REC114: variants seen among roughly 807,000 people sequenced by gnomAD.
REC114 encodes the protein meiotic recombination protein REC114.
Under a neutral mutation model 31.3 loss-of-function variants are expected in REC114, and 27 were observed. The ratio of observed to expected loss-of-function variants is 0.86; its 90% confidence interval spans 0.64 to 1.19. The LOEUF (loss-of-function observed/expected upper bound fraction) is 1.19. Ranked by LOEUF, REC114 falls within the 50% of genes most tolerant of loss-of-function variation. The pLI, the probability that REC114 is intolerant of heterozygous loss-of-function variation, is 0.00. For missense variants in REC114, 344 were observed against 326.9 expected (o/e 1.05, Z -0.40); for synonymous variants, 134 against 127.7 (o/e 1.05, Z -0.33).
chr15:73,549,207 T>G (rs1217963637), intron 3 of REC114, among the ~76,000 whole-genome samples: 3 of 152,172 alleles, frequency 2.0e-5, no homozygotes, highest in South Asian at 2.1e-4. Context: ...ATCTTGTTAC[T>G]TACAACAACA....
At chr15:73,465,718 T>C (rs1893047726) in intron 1 of REC114, among the ~76,000 whole-genome samples, 1 of 152,240 alleles carries the variant, frequency 6.6e-6, no homozygotes, top group Admixed American at 6.5e-5. Flanking sequence ...ATGAAAAATA[T>C]TATGCAGCGG....
At chr15:73,458,493 C>A (rs1892947797) in intron 1 of REC114, among the ~76,000 whole-genome samples, 2 of 152,114 alleles carry the variant, frequency 1.3e-5, no homozygotes, top group Non-Finnish European at 2.9e-5. Flanking sequence ...TAACAGGTAA[C>A]ATTTTGTATT....
intron 3 of REC114, among the ~76,000 whole-genome samples, chr15:73,547,741 C>A (rs1894329540): frequency 1.3e-5 from 2 of 152,170 alleles, no homozygotes; most frequent in South Asian, 4.1e-4. Context: ...ATGGGTATAA[C>A]TGGCTAGCCA....
intron 5 of REC114, among the ~76,000 whole-genome samples, chr15:73,558,628 G>A (rs908469356): frequency 5.9e-5 from 9 of 152,270 alleles, no homozygotes; most frequent in African/African-American, 2.2e-4. Context: ...TTATTAGAAT[G>A]CCTAAATTAA....
chr15:73,545,348 TCTGA>T (rs1477144479), intron 3 of REC114, among the ~76,000 whole-genome samples: 5 of 152,200 alleles, frequency 3.3e-5, no homozygotes, highest in Admixed American at 3.3e-4. Context: ...AGAAGCTCTT[TCTGA>T]CTTTTAATTA....
intron 2 of REC114, among the ~76,000 whole-genome samples, chr15:73,487,458 T>C (rs982151186): frequency 2.2e-4 from 33 of 152,226 alleles, no homozygotes; most frequent in African/African-American, 7.7e-4. Context: ...GACATTCCCA[T>C]TTCAAAAGAG....
At chr15:73,532,117 G>A (rs546121139) in intron 2 of REC114, among the ~76,000 whole-genome samples, 265 of 151,086 alleles carry the variant, frequency 1.8e-3, no homozygotes, top group African/African-American at 5.9e-3. Context: ...TATATCTCCC[G>A]ATGCTATCCC....
intron 5 of REC114, among the ~76,000 whole-genome samples, chr15:73,559,100 T>C (rs1332218785): frequency 6.6e-6 from 1 of 152,190 alleles, no homozygotes; most frequent in African/African-American, 2.4e-5. Flanking sequence ...GGCAAAACTA[T>C]ATGGAGAAGA....
intron 2 of REC114, among the ~76,000 whole-genome samples, chr15:73,480,223 A>G (rs1226062913): frequency 6.6e-6 from 1 of 152,034 alleles, no homozygotes; most frequent in Non-Finnish European, 1.5e-5. Flanking sequence ...CCTGTTGGCC[A>G]TTTATGTCAT....
intron 2 of REC114, among the ~76,000 whole-genome samples, chr15:73,513,369 A>T (rs1190086448): frequency 8.0e-5 from 12 of 149,518 alleles, no homozygotes; most frequent in Non-Finnish European, 1.5e-4. Context: ...AAAGTTTTCA[A>T]CTTCTTTGCC....
chr15:73,484,028 G>C (rs750639308), intron 2 of REC114: 3 of 152,216 alleles, frequency 2.0e-5, no homozygotes, highest in East Asian at 3.9e-4. Flanking sequence ...GGTTACACAG[G>C]CCTCTTCAAT....
At chr15:73,489,077 G>T (rs187379597) in intron 2 of REC114, among the ~76,000 whole-genome samples, 80 of 152,214 alleles carry the variant, frequency 5.3e-4, no homozygotes, top group Non-Finnish European at 6.8e-4. Flanking sequence ...TCTGGTGAGT[G>T]CTGCTCTCTG....
chr15:73,466,504 A>G (rs931893204), intron 1 of REC114, among the ~76,000 whole-genome samples: 1 of 152,164 alleles, frequency 6.6e-6, no homozygotes, highest in Non-Finnish European at 1.5e-5. Flanking sequence ...CAGTGAGCCA[A>G]GATGGTGCCA....
chr15:73,489,430 T>C (rs536371716), intron 2 of REC114, among the ~76,000 whole-genome samples: 1 of 151,866 alleles, frequency 6.6e-6, no homozygotes, highest in Non-Finnish European at 1.5e-5. Flanking sequence ...GGTCTTGAAC[T>C]CCTGACCTCA....
intron 2 of REC114, among the ~76,000 whole-genome samples, chr15:73,507,637 G>A (rs765208325): frequency 3.3e-5 from 5 of 151,916 alleles, no homozygotes; most frequent in Non-Finnish European, 7.4e-5. Context: ...CACTATATAT[G>A]GGTACACATG....
At chr15:73,483,709 C>T (rs1407340655) in intron 2 of REC114, 1 of 152,338 alleles carries the variant, frequency 6.6e-6, no homozygotes, top group Non-Finnish European at 1.5e-5. Flanking sequence ...TTGCCCTTCT[C>T]AATTCCAGGG....
chr15:73,492,576 T>C (rs1024546877), intron 2 of REC114, among the ~76,000 whole-genome samples: 1 of 152,200 alleles, frequency 6.6e-6, no homozygotes, highest in South Asian at 2.1e-4. Context: ...GGGCTCTTAT[T>C]AAAATGTTGA....
intron 2 of REC114, among the ~76,000 whole-genome samples, chr15:73,474,947 T>C (rs1040013064): frequency 3.3e-5 from 5 of 152,218 alleles, no homozygotes; most frequent in African/African-American, 1.2e-4. Flanking sequence ...CTTTTAAAAC[T>C]GCAGCATGCG....
chr15:73,501,401 A>G (rs1893602405), intron 2 of REC114, among the ~76,000 whole-genome samples: 1 of 152,200 alleles, frequency 6.6e-6, no homozygotes, highest in African/African-American at 2.4e-5. Flanking sequence ...CCAAATGGTG[A>G]TAAGAGTTTA....
Sources: allele counts gnomAD v4.1 joint callset (sites outside exome capture counted in the v4.1 genomes callset), GRCh38; gene constraint gnomAD v4.1.1; transcripts MANE v1.5; gene names NCBI Gene and HGNC (gene_info 2026-07-23, HGNC 2026-07-21).